Variants in RASA4 observed in about 807,000 individuals in gnomAD.
The protein encoded by RASA4 is ras GTPase-activating protein 4.
RASA4 carries 5 observed loss-of-function variants against 24.0 expected under a neutral mutation model. The ratio of observed to expected loss-of-function variants is 0.21; its 90% CI spans 0.11 to 0.44. The LOEUF (loss-of-function observed/expected upper bound fraction) is 0.44, where lower values mean the gene tolerates loss of function less well. RASA4 is among the 20% of genes least tolerant of loss of function. The probability of loss-of-function intolerance (pLI) is 0.99; values close to 1 mark genes in which losing one functional copy is unlikely to be tolerated. For missense variants in RASA4, 38 were observed against 293.0 expected (o/e 0.13, Z 6.35); for synonymous variants, 9 against 132.7 (o/e 0.07, Z 6.41).
chr7:102,597,908 C>G (rs1790297118), intron 8 of RASA4, among the ~76,000 whole-genome samples: 1 of 78,012 alleles, frequency 1.3e-5, no homozygotes, highest in African/African-American at 3.5e-5. Flanking sequence ...GTTGGCCAGG[C>G]TGGTCTCGAA....
At chr7:102,590,751 A>G (rs1789942443) in intron 16 of RASA4, among the ~76,000 whole-genome samples, 1 of 145,566 alleles carries the variant, frequency 6.9e-6, no homozygotes, top group Non-Finnish European at 1.5e-5. Flanking sequence ...GACCAGCCTG[A>G]CAAACATGGA....
intron 2 of RASA4, among the ~76,000 whole-genome samples, chr7:102,610,560 G>A (rs1308883231): frequency 6.6e-6 from 1 of 151,324 alleles, no homozygotes; most frequent in Non-Finnish European, 1.5e-5. Context: ...GGGACTCTCA[G>A]GGGACAGGAC....
rs143912199 is a variant in RASA4 at position 102,580,842 on chromosome 7, CA to C, written c.*1928del. ...TGGGCAACACAGTGAGACTCTGTCT[CA>C]AAAAAAAAAAAAAAAAAAAAACTAT... is the stretch of plus-strand genomic sequence containing the variant. On this transcript the variant is annotated 3_prime_UTR_variant, in exon 21 of 21. Coordinates refer to ENST00000262940, the MANE Select transcript of RASA4 (RefSeq NM_006989.6). The C allele has an allele frequency of 0.054, 3,503 of 64,608 alleles. 1 individual carries two copies. The highest frequency in any genetic ancestry group is 0.11 in the East Asian group (210 of 1,938). The allele number at this position is 64,608 out of a possible 1,614,324, so 4.0% of individuals were successfully genotyped here. A position where few individuals can be genotyped will look rare whatever the true frequency, so the allele number is the denominator to read the frequency against.
At chr7:102,602,905 C>CTT (rs1790419015) in intron 5 of RASA4, among the ~76,000 whole-genome samples, 1 of 147,774 alleles carries the variant, frequency 6.8e-6, no homozygotes, top group African/African-American at 2.5e-5. Context: ...ATGGGCGGCC[C>CTT]TGCCCTTTCT....
At chr7:102,590,747 C>A (rs1789941906) in intron 16 of RASA4, among the ~76,000 whole-genome samples, 1 of 145,692 alleles carries the variant, frequency 6.9e-6, no homozygotes, top group Non-Finnish European at 1.5e-5. Flanking sequence ...TCGAGACCAG[C>A]CTGACAAACA....
At chr7:102,603,204 G>A (rs1370416275) in intron 5 of RASA4, among the ~76,000 whole-genome samples, 6 of 140,012 alleles carry the variant, frequency 4.3e-5, no homozygotes, top group South Asian at 2.4e-4. Context: ...CAGGTGATCC[G>A]CCTGCCTTGG....
Position 102,580,242 on chromosome 7 carries a change from T to C in RASA4, c.*2529A>G, listed in dbSNP as rs1466786383. 7.6e-6 allele frequency: 1 copy of C among 131,092 alleles called. No individual in the cohort carries two copies. 8.1% of individuals were successfully genotyped at this position (131,092 alleles called of 1,614,324 possible). The stretch of plus-strand genomic sequence containing the variant: ...AGTCACCTAAATATCTTCTCTTTTT[T>C]ATACTTTTTATTGTAGTAAAATAGG... On this transcript the variant is annotated 3_prime_UTR_variant, in exon 21 of 21. Transcript: ENST00000262940.
chr7:102,613,816 G>T (rs1584202057), intron 1 of RASA4, among the ~76,000 whole-genome samples: 2 of 152,140 alleles, frequency 1.3e-5, no homozygotes, highest in South Asian at 4.2e-4. Flanking sequence ...GGAGGCAGTG[G>T]GTCACTGGTC....
At chr7:102,608,271 T>TG (rs1790744706) in intron 4 of RASA4, among the ~76,000 whole-genome samples, 1 of 60,328 alleles carries the variant, frequency 1.7e-5, no homozygotes, top group African/African-American at 8.1e-5. Context: ...GCCCGGCCTT[T>TG]TTTTTAAAAA....
At chr7:102,590,861 A>G (rs1457938033) in intron 16 of RASA4, among the ~76,000 whole-genome samples, 38 of 132,488 alleles carry the variant, frequency 2.9e-4, no homozygotes, top group African/African-American at 1.2e-3. Flanking sequence ...AATCGCTTGA[A>G]CCCGGGAGGC....
chr7:102,585,864 T>TG (rs1397206341), intron 18 of RASA4, among the ~76,000 whole-genome samples: 10 of 149,936 alleles, frequency 6.7e-5, no homozygotes, highest in African/African-American at 1.7e-4. Flanking sequence ...TTTGTTTTTT[T>TG]TTTTTTGAGA....
intron 1 of RASA4, 195 bp downstream of exon 1, chr7:102,616,403 AGCCCCCAGCCCTCGGTGACACTTCCCC>A: frequency 1.9e-6 from 1 of 537,362 alleles, no homozygotes; most frequent in Admixed American, 4.8e-5. Context: ...CCTAGTTCCC[AGCCCCCAGCCCTCGGTGACACTTCCCC>A]GCCCCCCGGT....
intron 5 of RASA4, among the ~76,000 whole-genome samples, 166 bp downstream of exon 5, chr7:102,605,692 G>T (rs1487423581): frequency 6.6e-6 from 1 of 152,238 alleles, no homozygotes. Context: ...TTACAGGTGT[G>T]AGACGCCGTG....
chr7:102,586,043 AT>A (rs1482029226), intron 18 of RASA4, among the ~76,000 whole-genome samples: 11,330 of 83,690 alleles, frequency 0.14, no homozygotes, highest in Non-Finnish European at 0.2. Flanking sequence ...TTTAGCAGAG[AT>A]GGGGTTTCAC....
intron 4 of RASA4, chr7:102,606,290 G>C (rs1323189625): frequency 2.8e-6 from 1 of 360,286 alleles, no homozygotes; most frequent in African/African-American, 2.0e-5. Flanking sequence ...GTGTGGTGGC[G>C]CATGCCTGTA....
intron 5 of RASA4, among the ~76,000 whole-genome samples, chr7:102,602,964 CTTT>C (rs1790425125): frequency 6.6e-6 from 1 of 150,772 alleles, no homozygotes; most frequent in Admixed American, 6.6e-5. Flanking sequence ...GTACCTCCAG[CTTT>C]TTTTTTTTTT....
chr7:102,587,444 C>T (rs1789807815), intron 18 of RASA4, 191 bp downstream of exon 18: 1 of 234,414 alleles, frequency 4.3e-6, no homozygotes, highest in Non-Finnish European at 7.9e-6. Flanking sequence ...ATGCATCACA[C>T]ACATCACGTG....
Position 102,581,221 on chromosome 7 carries a change from G to A in RASA4, c.*1550C>T, listed in dbSNP as rs1303943241. 2.0e-5 allele frequency: 3 copies of A among 150,230 alleles called. No homozygotes were observed. The highest frequency in any genetic ancestry group is 4.8e-5 in the African/African-American group (2 of 41,420). The allele number at this position is 150,230 out of a possible 1,614,324, so 9.3% of individuals were successfully genotyped here. A position where few individuals can be genotyped will look rare whatever the true frequency, so the allele number is the denominator to read the frequency against. ...AGGCTTTAGAGTGGGGGGCAACCGG[G>A]GGAGGAAGGAGGTTGGCTGAGCCAG... On this transcript the variant is annotated 3_prime_UTR_variant, in exon 21 of 21. Transcript: ENST00000262940.
chr7:102,591,083 G>C (rs1167698869), intron 16 of RASA4, among the ~76,000 whole-genome samples: 5 of 103,306 alleles, frequency 4.8e-5, no homozygotes, highest in Non-Finnish European at 9.2e-5. Flanking sequence ...AGGAGTTTGA[G>C]AACAGCCTGG....
Sources: allele counts gnomAD v4.1 joint callset (sites outside exome capture counted in the v4.1 genomes callset), GRCh38; gene constraint gnomAD v4.1.1; transcripts MANE v1.5; gene names NCBI Gene and HGNC (gene_info 2026-07-23, HGNC 2026-07-21).